COG2: variants seen among roughly 807,000 people sequenced by gnomAD.
COG2 encodes component of oligomeric golgi complex 2, also known as conserved oligomeric Golgi complex subunit 2.
A neutral mutation model predicts 90.6 loss-of-function variants in COG2; 52 were observed. That is an observed-to-expected ratio of 0.57 (90% CI 0.46 to 0.72). COG2 has a LOEUF of 0.72. Among genes scored for constraint, COG2 ranks in the 30% least tolerant of loss-of-function variants. The pLI, the probability that COG2 is intolerant of heterozygous loss-of-function variation, is 0.00. For missense variants in COG2, 829 were observed against 891.2 expected (o/e 0.93, Z 0.89); for synonymous variants, 337 against 320.4 (o/e 1.05, Z -0.55).
intron 12 of COG2, among the ~76,000 whole-genome samples, chr1:230,685,593 A>G (rs1176327854): frequency 6.6e-6 from 1 of 152,240 alleles, no homozygotes; most frequent in African/African-American, 2.4e-5. Context: ...AAATAAAAAT[A>G]TATGCATTTT....
At chr1:230,657,864 T>C (rs1662101603) in intron 1 of COG2, among the ~76,000 whole-genome samples, 1 of 152,068 alleles carries the variant, frequency 6.6e-6, no homozygotes, top group Non-Finnish European at 1.5e-5. Context: ...ATTCGGCTAT[T>C]GATACTTGTG....
At chr1:230,690,789 A>G (rs1663006511) in intron 16 of COG2, among the ~76,000 whole-genome samples, 1 of 152,236 alleles carries the variant, frequency 6.6e-6, no homozygotes, top group South Asian at 2.1e-4. Flanking sequence ...TTTAGAACAT[A>G]ACAATGATGT....
chr1:230,677,175 T>G (rs1352956500), intron 9 of COG2, among the ~76,000 whole-genome samples: 1 of 152,196 alleles, frequency 6.6e-6, no homozygotes, highest in Admixed American at 6.5e-5. Flanking sequence ...TCTCGATAAT[T>G]TCACAGTCTG....
intron 1 of COG2, among the ~76,000 whole-genome samples, chr1:230,650,159 A>G (rs35637790): frequency 0.053 from 8,130 of 152,244 alleles, 248 homozygotes; most frequent in Middle Eastern, 0.088. Context: ...GCTATTGTGA[A>G]TAGGGCTTCA....
intron 5 of COG2, among the ~76,000 whole-genome samples, chr1:230,667,591 A>T (rs1049359606): frequency 6.6e-6 from 1 of 152,218 alleles, no homozygotes; most frequent in Non-Finnish European, 1.5e-5. Context: ...GCCAAGAAAC[A>T]TTTAGATAAT....
intron 15 of COG2, among the ~76,000 whole-genome samples, chr1:230,689,530 T>A (rs1050885117): frequency 1.3e-5 from 2 of 152,250 alleles, no homozygotes; most frequent in African/African-American, 4.8e-5. Flanking sequence ...TAAGAAAGGT[T>A]ACATTCCTGA....
At chr1:230,687,269 C>T in intron 13 of COG2, 137 bp downstream of exon 13, 1 of 586,890 alleles carries the variant, frequency 1.7e-6, no homozygotes, top group Non-Finnish European at 2.9e-6. Flanking sequence ...GAGAGAACCT[C>T]TCACTCACCT....
intron 4 of COG2, 123 bp downstream of exon 4, chr1:230,663,344 G>A (rs771043678): frequency 2.4e-6 from 1 of 421,070 alleles, no homozygotes; most frequent in East Asian, 3.9e-5. Context: ...AGTGTGATGT[G>A]TCTCTTTTAT....
At chr1:230,689,970 G>T in intron 15 of COG2, 44 bp from the exon 16 acceptor site, 2 of 1,519,564 alleles carry the variant, frequency 1.3e-6, no homozygotes, top group South Asian at 2.6e-5. Context: ...TTTCTTTTCT[G>T]TTTTTTTCCT....
chr1:230,674,065 G>A (rs1480679919), intron 8 of COG2, among the ~76,000 whole-genome samples: 1 of 152,160 alleles, frequency 6.6e-6, no homozygotes, highest in Non-Finnish European at 1.5e-5. Flanking sequence ...ATGAAACAAA[G>A]TGGGCAGATT....
intron 1 of COG2, among the ~76,000 whole-genome samples, chr1:230,644,999 G>A (rs1661727370): frequency 1.3e-5 from 2 of 152,102 alleles, no homozygotes; most frequent in African/African-American, 2.4e-5. Context: ...AGGTGGTAAT[G>A]GCATGATACT....
At chr1:230,688,880 C>T (rs560077489) in intron 15 of COG2, among the ~76,000 whole-genome samples, 17 of 152,254 alleles carry the variant, frequency 1.1e-4, no homozygotes, top group Non-Finnish European at 1.6e-4. Flanking sequence ...AAGTCCTATA[C>T]GTTTTTGTCT....
Position 230,688,479 on chromosome 1 carries a change from A to C in COG2, c.1711A>C (p.Ile571Leu), listed in dbSNP as rs977524891. 1 of 1,614,142 alleles carries C rather than the reference A, an allele frequency of 6.2e-7. No homozygotes were observed. The highest frequency in any genetic ancestry group is 1.3e-5 in the African/African-American group (1 of 75,024). Reference protein sequence around the residue: ...SACVPSLSSKIIQDLSDSCFG... With the variant: ...SACVPSLSSKLIQDLSDSCFG... ...CTGTGTGCCCTCCTTGAGTAGCAAGATCATCCAGGATTTAAGTGACTCTTG... is the reference window on the plus strand; with the variant it reads ...CTGTGTGCCCTCCTTGAGTAGCAAGCTCATCCAGGATTTAAGTGACTCTTG... The change falls in exon 15 of 18, where the codon ATC becomes CTC. Residue 571 changes from isoleucine (I) to leucine (L), a missense_variant. Transcript: ENST00000366669.
At chr1:230,658,861 C>T (rs1254734600) in intron 1 of COG2, among the ~76,000 whole-genome samples, 1 of 152,154 alleles carries the variant, frequency 6.6e-6, no homozygotes, top group Non-Finnish European at 1.5e-5. Context: ...CCATATAAAA[C>T]ATGAGTGCAA....
intron 8 of COG2, among the ~76,000 whole-genome samples, chr1:230,671,969 G>T (rs932938757): frequency 1.3e-5 from 2 of 152,132 alleles, no homozygotes; most frequent in African/African-American, 4.8e-5. Flanking sequence ...GTCATAATCT[G>T]TCTATAAATA....
intron 8 of COG2, among the ~76,000 whole-genome samples, chr1:230,672,910 G>A (rs1205317523): frequency 6.6e-6 from 1 of 152,162 alleles, no homozygotes; most frequent in Admixed American, 6.5e-5. Context: ...TAAGGTCTCT[G>A]TTTTCATGGA....
In COG2 at chr1:230,642,497, AC is replaced by A. The variant is rs11361885; in HGVS notation, c.-104del. The A allele has an allele frequency of 0.22, 218,731 of 979,088 alleles. 27,242 individuals carry two copies. The highest frequency in any genetic ancestry group is 0.4 in the East Asian group (13,165 of 33,182). 60.7% of individuals were successfully genotyped at this position (979,088 alleles called of 1,614,324 possible). On this transcript the variant is annotated 5_prime_UTR_variant, in exon 1 of 18. It removes the in-frame stop codon of an upstream open reading frame in the 5' UTR. Coordinates refer to ENST00000366669, the MANE Select transcript of COG2 (RefSeq NM_007357.3). Reference sequence around the variant, plus strand: ...GGCGCTGCCATGTTGGCGGAAGCGGACCCCCCTGTGCCGTGGAAACTGGCGG... The same window carrying A: ...GGCGCTGCCATGTTGGCGGAAGCGGACCCCCTGTGCCGTGGAAACTGGCGG...
At chr1:230,664,769 C>A (rs999148383) in intron 5 of COG2, among the ~76,000 whole-genome samples, 182 bp downstream of exon 5, 4 of 152,150 alleles carry the variant, frequency 2.6e-5, no homozygotes, top group African/African-American at 9.7e-5. Context: ...TATTATATAG[C>A]CTTGATGGTC....
intron 5 of COG2, among the ~76,000 whole-genome samples, chr1:230,667,151 C>T (rs1662340461): frequency 6.6e-6 from 1 of 152,204 alleles, no homozygotes; most frequent in African/African-American, 2.4e-5. Flanking sequence ...AGGCCCCTGA[C>T]ATCTTTACAC....
Sources: allele counts gnomAD v4.1 joint callset (sites outside exome capture counted in the v4.1 genomes callset), GRCh38; gene constraint gnomAD v4.1.1; transcripts MANE v1.5; gene names NCBI Gene and HGNC (gene_info 2026-07-23, HGNC 2026-07-21).